APOA5: variants seen among roughly 807,000 people sequenced by gnomAD.
APOA5 encodes the protein apolipoprotein A5, also known as apolipoprotein A-V.
A neutral mutation model predicts 31.8 loss-of-function variants in APOA5; 26 were observed. The observed-to-expected ratio is 0.82, with a 90% CI of 0.60 to 1.13. The LOEUF (loss-of-function observed/expected upper bound fraction) is 1.13, where lower values mean the gene tolerates loss of function less well. Among genes scored for constraint, APOA5 ranks in the 50% most tolerant of loss-of-function variants. The probability of loss-of-function intolerance (pLI) is 0.00; values close to 1 mark genes in which losing one functional copy is unlikely to be tolerated. For synonymous variants in APOA5, 186 were observed against 198.5 expected, an observed-to-expected ratio of 0.94 and a Z score of 0.53; for missense variants, 450 against 488.0, an observed-to-expected ratio of 0.92 and a Z score of 0.73.
At position 116,791,669 on chromosome 11, in the gene APOA5, G is replaced by A; in HGVS notation, c.78C>T (p.Gly26=). ...TGGTCTGGCTGAAGTAGTCCCAGAA[G>A]CCTTTCCGTGCCTGGGTGGCCGAAA... The part of the protein sequence containing the change: ...SAFSATQARK[G]FWDYFSQTSG... Residue 26 remains glycine (G), a synonymous_variant, in exon 2 of 3, where the codon GGC becomes GGT. Coordinates refer to ENST00000227665, the MANE Select transcript of APOA5 (RefSeq NM_001371904.1). The A allele has an allele frequency of 6.2e-7, 1 of 1,609,944 alleles. No homozygotes were observed. The highest frequency in any genetic ancestry group is 8.5e-7 in the Non-Finnish European group (1 of 1,178,066).
upstream of APOA5, among the ~76,000 whole-genome samples, chr11:116,792,138 G>A (rs1214368769): frequency 1.3e-5 from 2 of 152,192 alleles, no homozygotes; most frequent in East Asian, 1.9e-4. Flanking sequence ...TAACCCCTTC[G>A]CAAAGGTCCC....
At chr11:116,791,918 G>A (rs947881097), upstream of APOA5, 2 of 1,595,302 alleles carry the variant, frequency 1.3e-6, no homozygotes, top group African/African-American at 1.3e-5. Context: ...AGGAGACGAA[G>A]GGACATGGCG....
chr11:116,790,887 C>T lies in APOA5; in HGVS notation c.342G>A (p.Ala114=), dbSNP rs746064552. ...KARLQPYMAE[A]HELVGWNLEG... is the part of the protein sequence containing the mutation. ...CCAAATTCCAGCCCACCAGCTCGTG[C>T]GCCTCTGCCATGTAGGGCTGGAGGC... The change falls in exon 3 of 3, where the codon GCG becomes GCA. Residue 114 remains alanine (A), a synonymous_variant. Transcript: ENST00000227665. 197 of 1,613,472 alleles carry T rather than the reference C, an allele frequency of 1.2e-4. No homozygotes were observed. Among genetic ancestry groups the T allele is most frequent in the Non-Finnish European group, 1.6e-4 (183 of 1,180,018 alleles).
At chr11:116,791,730 G>T in intron 1 of APOA5, 33 bp from the exon 2 acceptor site, 1 of 1,610,514 alleles carries the variant, frequency 6.2e-7, no homozygotes, top group Non-Finnish European at 8.5e-7. Flanking sequence ...CAGGGCCTGG[G>T]CTCTCCTCCC....
Position 116,791,703 on chromosome 11 carries a change from G to T in APOA5, c.50-6C>A. On this transcript the variant is annotated splice_polypyrimidine_tract_variant and splice_region_variant and intron_variant, in intron 1 of 2. Transcript: ENST00000227665. ...TGCCTGGGTGGCCGAAAACGCTGTG[G>T]AGAGGGACTAGGTAATCAGGGCCTG... 1 of 1,608,998 alleles carries T rather than the reference G, an allele frequency of 6.2e-7. No homozygotes were observed. Among genetic ancestry groups the T allele is most frequent in the South Asian group, 1.1e-5 (1 of 90,254 alleles).
At chr11:116,791,891 G>T (rs777409975), upstream of APOA5, 39 of 1,613,026 alleles carry the variant, frequency 2.4e-5, no homozygotes, top group Non-Finnish European at 3.3e-5. Flanking sequence ...GTGGAGGGAG[G>T]CCTGGTTAGG....
At chr11:116,791,944 G>C (rs1941022097), upstream of APOA5, 1 of 1,498,840 alleles carries the variant, frequency 6.7e-7, no homozygotes, top group African/African-American at 1.4e-5. Context: ...GACTTGCCCA[G>C]GGGGCCTCTG....
chr11:116,791,769 C>G (rs1396075367), intron 1 of APOA5, 43 bp downstream of exon 1: 1 of 1,614,134 alleles, frequency 6.2e-7, no homozygotes, highest in South Asian at 1.1e-5. Context: ...TCTGGCCAGC[C>G]TCCACCCACA....
rs781588485 is a variant in APOA5, at chr11:116,790,021, T to A, written c.*107A>T. On this transcript the variant is annotated 3_prime_UTR_variant, in exon 3 of 3. Coordinates refer to ENST00000227665, the MANE Select transcript of APOA5 (RefSeq NM_001371904.1). ...GGCCTCCCTGTCCTGCACAGGACCT[T>A]CCACCCTCCACCCAACAGGCCACTT... is the stretch of plus-strand genomic sequence containing the variant. 5.2e-5 allele frequency: 66 copies of A among 1,270,806 alleles called. No individual in the cohort carries two copies. The highest frequency in any genetic ancestry group is 5.0e-5 in the Non-Finnish European group (45 of 895,048). The allele number at this position is 1,270,806 out of a possible 1,614,324, so 78.7% of individuals were successfully genotyped here.
At chr11:116,791,359 G>A (rs182805541) in intron 2 of APOA5, 6 of 702,772 alleles carry the variant, frequency 8.5e-6, no homozygotes, top group South Asian at 4.6e-5. Flanking sequence ...CCCAGGTCCC[G>A]CGCCTCAGTG....
rs959640479 is a variant in APOA5 at position 116,789,808 on chromosome 11, G to A, written c.*320C>T. On this transcript the variant is annotated 3_prime_UTR_variant, in exon 3 of 3. Transcript: ENST00000227665. ...AGGCTTCCAGCATCACGGCAAACAG[G>A]CTTGCAGATAATCACCCACATGCAT... 5.9e-5 allele frequency: 26 copies of A among 443,672 alleles called. No homozygotes were observed. The East Asian group carries it at 7.9e-4, about 14-fold the overall frequency. 27.5% of individuals were successfully genotyped at this position (443,672 alleles called of 1,614,324 possible).
In APOA5 at chr11:116,789,625, C is replaced by A. The variant is rs1484920192; in HGVS notation, c.*503G>T. 1 of 235,202 alleles carries A rather than the reference C, an allele frequency of 4.3e-6. No individual in the cohort carries two copies. The highest frequency in any genetic ancestry group is 1.0e-4 in the East Asian group (1 of 9,860). 14.6% of individuals were successfully genotyped at this position (235,202 alleles called of 1,614,324 possible). On this transcript the variant is annotated 3_prime_UTR_variant, in exon 3 of 3. Coordinates refer to ENST00000227665, the MANE Select transcript of APOA5 (RefSeq NM_001371904.1). The stretch of plus-strand genomic sequence containing the variant: ...CAGCAGGGATATTCACACACCATCA[C>A]ATGTTCTCCCCATGATATTCTCTTT...
Position 116,789,680 on chromosome 11 carries a change from G to GGCAGCCCTGGGGAGACAAGT in APOA5, c.*428_*447dup. ...CTTCTATTCCCCTGATAGCTGCCAT[G>GGCAGCCCTGGGGAGACAAGT]GCAGCCCTGGGGAGACAAGTGCTCC... On this transcript the variant is annotated 3_prime_UTR_variant, in exon 3 of 3. Coordinates refer to ENST00000227665, the MANE Select transcript of APOA5 (RefSeq NM_001371904.1). 1 of 260,080 alleles carries GGCAGCCCTGGGGAGACAAGT rather than the reference G, an allele frequency of 3.8e-6. No individual in the cohort carries two copies. Among genetic ancestry groups the GGCAGCCCTGGGGAGACAAGT allele is most frequent in the South Asian group, 4.8e-5 (1 of 20,906 alleles). The allele number at this position is 260,080 out of a possible 1,614,324, so 16.1% of individuals were successfully genotyped here. A position where few individuals can be genotyped will look rare whatever the true frequency, so the allele number is the denominator to read the frequency against.
In APOA5 at chr11:116,790,388, C is replaced by A; in HGVS notation, c.841G>T (p.Val281Leu). The A allele has an allele frequency of 6.2e-7, 1 of 1,611,364 alleles. No individual in the cohort carries two copies. The highest frequency in any genetic ancestry group is 2.2e-5 in the East Asian group (1 of 44,882). ...CGGAAAGCCTGAAGTCGCTGGCGCACCTCCTCGGAGAGCATCTGGGGGTCC... is the reference window on the plus strand; with the variant it reads ...CGGAAAGCCTGAAGTCGCTGGCGCAACTCCTCGGAGAGCATCTGGGGGTCC... ...GPDPQMLSEE[V>L]RQRLQAFRQD... Residue 281 changes from valine (V) to leucine (L), a missense_variant, in exon 3 of 3, where the codon GTG becomes TTG. Coordinates refer to ENST00000227665, the MANE Select transcript of APOA5 (RefSeq NM_001371904.1).
Position 116,790,361 on chromosome 11 carries a change from G to C in APOA5, c.868C>G (p.Gln290Glu). The change falls in exon 3 of 3, where the codon CAG becomes GAG. Residue 290 changes from glutamine to glutamate, a missense_variant. Gln to Glu is a conservative substitution (Grantham distance 29). Transcript: ENST00000227665. ...EVRQRLQAFR[Q>E]DTYLQIAAFT... ...GCAGCTATCTGCAGGTAGGTGTCCTGGCGGAAAGCCTGAAGTCGCTGGCGC... is the reference window on the plus strand; with the variant it reads ...GCAGCTATCTGCAGGTAGGTGTCCTCGCGGAAAGCCTGAAGTCGCTGGCGC... 5 of 1,613,752 alleles carry C rather than the reference G, an allele frequency of 3.1e-6. No individual in the cohort carries two copies. The highest frequency in any genetic ancestry group is 4.2e-6 in the Non-Finnish European group (5 of 1,180,042).
Position 116,790,882 on chromosome 11 carries a change from T to A in APOA5, c.347A>T (p.Glu116Val). 1 of 1,613,372 alleles carries A rather than the reference T, an allele frequency of 6.2e-7. No individual in the cohort carries two copies. The highest frequency in any genetic ancestry group is 8.5e-7 in the Non-Finnish European group (1 of 1,179,902). Reference sequence around the variant, plus strand: ...GCCCTCCAAATTCCAGCCCACCAGCTCGTGCGCCTCTGCCATGTAGGGCTG... The same window carrying A: ...GCCCTCCAAATTCCAGCCCACCAGCACGTGCGCCTCTGCCATGTAGGGCTG... ...RLQPYMAEAH[E>V]LVGWNLEGLR... The change falls in exon 3 of 3, where the codon GAG becomes GTG. Residue 116 changes from glutamate to valine, a missense_variant. Glu to Val is a moderately radical substitution (Grantham distance 121). Transcript: ENST00000227665.
rs945428480 is a variant in APOA5 at position 116,789,936 on chromosome 11, T to C, written c.*192A>G. ...GGTTTGCAAAGCCTGGTGAATGTAA[T>C]GCATCCAGATTGGGGAGTCGCAGGA... On this transcript the variant is annotated 3_prime_UTR_variant, in exon 3 of 3. Transcript: ENST00000227665. The C allele has an allele frequency of 1.1e-5, 7 of 636,950 alleles. No individual in the cohort carries two copies. Among genetic ancestry groups the C allele is most frequent in the South Asian group, 1.9e-5 (1 of 53,856 alleles). The allele number at this position is 636,950 out of a possible 1,614,324, so 39.5% of individuals were successfully genotyped here.
chr11:116,790,672 C>T lies in APOA5; in HGVS notation c.557G>A (p.Arg186His), dbSNP rs773214283. 1.2e-6 allele frequency: 2 copies of T among 1,612,482 alleles called. No homozygotes were observed. Among genetic ancestry groups the T allele is most frequent in the Admixed American group, 3.3e-5 (2 of 60,012 alleles). The change falls in exon 3 of 3, where the codon CGC (arginine) becomes CAC (histidine). Residue 186 changes from arginine to histidine, a missense_variant. Transcript: ENST00000227665. ...GTATGGGTGGAAGAGCTCTTTGAAG[C>T]GGCCGGTGTGGTGCACCACGCGGCT... ...LQSRVVHHTGRFKELFHPYAE... is the reference protein window; with the variant it reads ...LQSRVVHHTGHFKELFHPYAE...
chr11:116,791,210 C>T (rs774432354), intron 2 of APOA5, 143 bp from the exon 3 acceptor site: 4 of 768,354 alleles, frequency 5.2e-6, no homozygotes, highest in African/African-American at 3.4e-5. Context: ...TGTCCTAGCC[C>T]TGGCCAGTAA....
Sources: gnomAD v4.1 joint callset for allele counts (sites outside exome capture counted in the v4.1 genomes callset) on GRCh38, gnomAD v4.1.1 for gene constraint, MANE v1.5 for transcripts, NCBI Gene and HGNC (gene_info 2026-07-23, HGNC 2026-07-21) for gene names.